The following AUTS2 variants were observed in gnomAD, a reference collection of about 807,000 sequenced individuals.
AUTS2 encodes autism susceptibility gene 2 protein.
In AUTS2, 17 loss-of-function variants were observed where a neutral mutation model predicts 112.4. That is an observed-to-expected ratio of 0.15 (90% CI 0.10 to 0.23). AUTS2 has a LOEUF of 0.23. Ranked by LOEUF, AUTS2 falls within the 10% of genes least tolerant of loss-of-function variation. The pLI, the probability that AUTS2 is intolerant of heterozygous loss-of-function variation, is 1.00. For synonymous variants in AUTS2, 751 were observed against 702.7 expected (o/e 1.07, Z -1.09); for missense variants, 1,510 against 1,701.6 (o/e 0.89, Z 1.98).
chr7:70,168,403 GCCTC>G (rs1417684416), intron 4 of AUTS2, among the ~76,000 whole-genome samples: 3 of 152,152 alleles, frequency 2.0e-5, no homozygotes, highest in Non-Finnish European at 4.4e-5. Context: ...TGCAATCTCT[GCCTC>G]CCAGGTTCAA....
chr7:69,709,402 A>T (rs527898731), intron 1 of AUTS2, among the ~76,000 whole-genome samples: 1 of 152,304 alleles, frequency 6.6e-6, no homozygotes, highest in East Asian at 1.9e-4. Context: ...AGAGTAAGTT[A>T]GCCTGAGCAG....
chr7:69,899,316 G>A lies in AUTS2; in HGVS notation c.340G>A (p.Val114Met). Residue 114 changes from valine to methionine, a missense_variant, in exon 2 of 19, where the codon GTG (valine) becomes ATG (methionine). Around this residue, in one of 3 missense-constraint regions of AUTS2, gnomAD observed 535 missense variants for 594.3 expected, o/e 0.90. Transcript: ENST00000342771. ...KDVALKPQER[V>M]EKRQTPLTKK... is the part of the protein sequence containing the mutation. ...TGTAGCACTTAAGCCTCAGGAACGT[G>A]TGGAGAAACGCCAGACGCCCCTGAC... The A allele has an allele frequency of 1.9e-6, 3 of 1,613,778 alleles. No homozygotes were observed. Among genetic ancestry groups the A allele is most frequent in the Non-Finnish European group, 2.5e-6 (3 of 1,179,740 alleles).
At chr7:70,169,008 C>G (rs116371952) in intron 4 of AUTS2, among the ~76,000 whole-genome samples, 1 of 151,862 alleles carries the variant, frequency 6.6e-6, no homozygotes, top group Non-Finnish European at 1.5e-5. Flanking sequence ...TTAATAATCC[C>G]AATAAAATAT....
At chr7:70,273,008 C>T (rs777243767) in intron 4 of AUTS2, among the ~76,000 whole-genome samples, 1 of 152,074 alleles carries the variant, frequency 6.6e-6, no homozygotes, top group East Asian at 1.9e-4. Flanking sequence ...GTTCTGCTTC[C>T]TCAGAGGGGA....
chr7:69,778,830 C>T (rs1789012852), intron 1 of AUTS2, among the ~76,000 whole-genome samples: 1 of 151,974 alleles, frequency 6.6e-6, no homozygotes. Flanking sequence ...TAAGCATTCA[C>T]TGACCACATT....
chr7:70,257,404 G>A (rs1161280331), intron 4 of AUTS2, among the ~76,000 whole-genome samples: 4 of 152,068 alleles, frequency 2.6e-5, no homozygotes, highest in South Asian at 2.1e-4. Context: ...TGCAATCTCC[G>A]CCTCCCGGGT....
chr7:70,430,660 G>A (rs2130809707), intron 4 of AUTS2, among the ~76,000 whole-genome samples: 1 of 152,226 alleles, frequency 6.6e-6, no homozygotes, highest in East Asian at 1.9e-4. Flanking sequence ...TAAAGAATAT[G>A]CAGAAAAGGA....
intron 1 of AUTS2, among the ~76,000 whole-genome samples, chr7:69,776,427 T>C (rs1468773031): frequency 6.6e-6 from 1 of 152,084 alleles, no homozygotes; most frequent in African/African-American, 2.4e-5. Context: ...AATTTTTTTG[T>C]TTTTTAGAGA....
chr7:70,282,756 A>AG (rs1472157424), intron 4 of AUTS2, among the ~76,000 whole-genome samples: 1 of 152,208 alleles, frequency 6.6e-6, no homozygotes, highest in East Asian at 1.9e-4. Context: ...AGCTGATAGA[A>AG]GTAATGTGAA....
intron 2 of AUTS2, among the ~76,000 whole-genome samples, chr7:70,117,742 G>A (rs1249348197): frequency 6.7e-6 from 1 of 149,846 alleles, no homozygotes; most frequent in Non-Finnish European, 1.5e-5. Flanking sequence ...ACCTTAAATT[G>A]TTCACTCTTT....
intron 1 of AUTS2, among the ~76,000 whole-genome samples, chr7:69,836,612 C>T (rs1232080941): frequency 6.6e-6 from 1 of 152,050 alleles, no homozygotes; most frequent in Non-Finnish European, 1.5e-5. Context: ...GTGATTAAAT[C>T]ACTCCAGTTT....
At chr7:69,648,523 AT>A (rs929200215) in intron 1 of AUTS2, among the ~76,000 whole-genome samples, 18 of 148,802 alleles carry the variant, frequency 1.2e-4, no homozygotes, top group African/African-American at 3.5e-4. Flanking sequence ...GTGGGATGGG[AT>A]TTTTTTTTTC....
At chr7:70,736,712 G>A (rs867471769) in intron 6 of AUTS2, among the ~76,000 whole-genome samples, 1 of 152,174 alleles carries the variant, frequency 6.6e-6, no homozygotes, top group Non-Finnish European at 1.5e-5. Context: ...ACTGTTAGGG[G>A]AATGAGGAAC....
chr7:70,463,472 T>A (rs1353073821), intron 5 of AUTS2, among the ~76,000 whole-genome samples: 1 of 152,202 alleles, frequency 6.6e-6, no homozygotes, highest in African/African-American at 2.4e-5. Context: ...CCAGCTTATA[T>A]TTAGAATAAC....
At position 70,710,067 on chromosome 7, in the gene AUTS2, G is replaced by T. The variant is rs138801027; in HGVS notation, c.742+11447G>T. Among the ~76,000 whole-genome samples, 410 of 152,180 alleles carry T rather than the reference G, an allele frequency of 2.7e-3. 4 individuals carry two copies. Among genetic ancestry groups the T allele is most frequent in the Middle Eastern group, 0.017 (5 of 294 alleles). On this transcript the variant is annotated intron_variant, in intron 6 of 18. Transcript: ENST00000342771. ...AATACAGAGTCCTCCTTCTCTGCTTGCCTGCATCTTGGGTGCTGTTAAAAG... is the reference window on the plus strand; with the variant it reads ...AATACAGAGTCCTCCTTCTCTGCTTTCCTGCATCTTGGGTGCTGTTAAAAG...
At chr7:70,697,132 C>T (rs896521965) in intron 5 of AUTS2, among the ~76,000 whole-genome samples, 3 of 152,012 alleles carry the variant, frequency 2.0e-5, no homozygotes, top group African/African-American at 7.2e-5. Flanking sequence ...CTCCCATTAA[C>T]ATTTTTTTTT....
intron 17 of AUTS2, among the ~76,000 whole-genome samples, chr7:70,786,538 GC>G (rs1395911541): frequency 1.3e-5 from 2 of 152,094 alleles, no homozygotes; most frequent in African/African-American, 4.8e-5. Context: ...GGACTCTGCA[GC>G]TTTCTACTAT....
chr7:69,800,194 T>G (rs549218833), intron 1 of AUTS2, among the ~76,000 whole-genome samples: 2 of 152,310 alleles, frequency 1.3e-5, no homozygotes, highest in African/African-American at 4.8e-5. Flanking sequence ...CCAGCTGCCT[T>G]GTGGGTATCA....
At chr7:70,365,747 G>T (rs1047325928) in intron 4 of AUTS2, among the ~76,000 whole-genome samples, 1 of 152,218 alleles carries the variant, frequency 6.6e-6, no homozygotes, top group African/African-American at 2.4e-5. Flanking sequence ...GCCTACTTTA[G>T]TAATGAACCA....
Sources: gnomAD v4.1 joint callset for allele counts (sites outside exome capture counted in the v4.1 genomes callset) on GRCh38, gnomAD v4.1.1 for gene constraint, gnomAD v4.1.1 regional missense constraint, MANE v1.5 for transcripts, NCBI Gene and HGNC (gene_info 2026-07-23, HGNC 2026-07-21) for gene names.